Variants in NRXN3 observed in about 807,000 individuals in gnomAD.
The protein encoded by NRXN3 is neurexin III.
In NRXN3, 32 loss-of-function variants were observed where a neutral mutation model predicts 137.6. The observed-to-expected ratio is 0.23, with a 90% CI of 0.18 to 0.31. NRXN3 has a LOEUF of 0.31. Ranked by LOEUF, NRXN3 falls within the 10% of genes least tolerant of loss-of-function variation. The pLI, the probability that NRXN3 is intolerant of heterozygous loss-of-function variation, is 1.00. For missense variants in NRXN3, 1,574 were observed against 2,062.5 expected (o/e 0.76, Z 4.59); for synonymous variants, 798 against 784.5 (o/e 1.02, Z -0.29).
chr14:78,239,725 CA>C (rs538661562), intron 1 of NRXN3, among the ~76,000 whole-genome samples: 36 of 151,928 alleles, frequency 2.4e-4, no homozygotes, highest in Admixed American at 8.5e-4. Flanking sequence ...TTTTTTGAGA[CA>C]GAGTCTTGTT....
At chr14:79,236,937 T>G (rs1239984086) in intron 15 of NRXN3, among the ~76,000 whole-genome samples, 2 of 152,194 alleles carry the variant, frequency 1.3e-5, no homozygotes, top group South Asian at 2.1e-4. Flanking sequence ...TTTAAAAGTG[T>G]GTTAGATCTG....
rs528353902 is a variant in NRXN3, at chr14:78,215,073, A to G, written c.-703-27318A>G. Among the ~76,000 whole-genome samples, 8 of 152,248 alleles carry G rather than the reference A, an allele frequency of 5.3e-5. No individual in the cohort carries two copies. The South Asian group carries it at 1.0e-3, about 20-fold the overall frequency. On this transcript the variant is annotated intron_variant, in intron 1 of 20. Coordinates refer to ENST00000335750, the MANE Select transcript of NRXN3 (RefSeq NM_001330195.2). ...GAAAGAGTGCTCTTTTGTAAACTCT[A>G]AAGTATTTTACAAATGTCAATACTG...
At chr14:79,749,065 G>A (rs2098988725) in intron 19 of NRXN3, among the ~76,000 whole-genome samples, 1 of 152,022 alleles carries the variant, frequency 6.6e-6, no homozygotes, top group African/African-American at 2.4e-5. Flanking sequence ...TGCTTTAGGA[G>A]GCTTTTCTCT....
At chr14:79,617,685 A>C (rs2098172290) in intron 16 of NRXN3, among the ~76,000 whole-genome samples, 1 of 152,064 alleles carries the variant, frequency 6.6e-6, no homozygotes, top group African/African-American at 2.4e-5. Flanking sequence ...GAATGTGACT[A>C]AAACCAGTTG....
At chr14:79,045,753 C>A (rs1005852329) in intron 15 of NRXN3, among the ~76,000 whole-genome samples, 11 of 152,160 alleles carry the variant, frequency 7.2e-5, no homozygotes, top group African/African-American at 2.7e-4. Flanking sequence ...TTCATGGATA[C>A]TATTTGCCTC....
At chr14:79,317,156 C>T (rs1471085304) in intron 15 of NRXN3, among the ~76,000 whole-genome samples, 2 of 151,950 alleles carry the variant, frequency 1.3e-5, no homozygotes, top group Admixed American at 6.6e-5. Flanking sequence ...TGCTTGAACC[C>T]GGGAGGTGGA....
chr14:78,282,476 T>C (rs1373035531), intron 3 of NRXN3: 2 of 223,524 alleles, frequency 8.9e-6, no homozygotes, highest in African/African-American at 4.5e-5. Context: ...TGCCTGCTGA[T>C]TAGACCTGGA....
rs576790763 is a variant in NRXN3 at position 79,150,504 on chromosome 14, G to C, written c.3262+162363G>C. 6.4e-4 allele frequency among the ~76,000 whole-genome samples: 97 copies of C among 152,028 alleles called. 1 individual carries two copies. Among genetic ancestry groups the C allele is most frequent in the Middle Eastern group, 3.4e-3 (1 of 294 alleles). On this transcript the variant is annotated intron_variant, in intron 15 of 20. Transcript: ENST00000335750. ...GCATGTTCCCAAACAGAGATCTGCA[G>C]AGAAAGGAGCAAGAGTTCCTTGCAT... is the stretch of plus-strand genomic sequence containing the variant.
intron 16 of NRXN3, among the ~76,000 whole-genome samples, chr14:79,484,395 T>C (rs1463047877): frequency 6.6e-6 from 1 of 152,188 alleles, no homozygotes; most frequent in Non-Finnish European, 1.5e-5. Flanking sequence ...CAGCTGGTAT[T>C]CTTTAAACCT....
intron 8 of NRXN3, among the ~76,000 whole-genome samples, chr14:78,796,579 A>C (rs923168766): frequency 2.0e-5 from 3 of 152,342 alleles, no homozygotes; most frequent in African/African-American, 4.8e-5. Context: ...GAAGTCGAGT[A>C]GAGAGAATCA....
At chr14:78,421,980 T>G (rs2093466739) in intron 4 of NRXN3, among the ~76,000 whole-genome samples, 2 of 152,224 alleles carry the variant, frequency 1.3e-5, no homozygotes, top group Admixed American at 1.3e-4. Context: ...GGCAGAGGGC[T>G]TGGTCCTAGA....
chr14:78,581,293 T>A (rs967291666), intron 4 of NRXN3, among the ~76,000 whole-genome samples: 1 of 152,214 alleles, frequency 6.6e-6, no homozygotes, highest in Non-Finnish European at 1.5e-5. Context: ...TAATGGAAAC[T>A]TATTTCTCAC....
At chr14:79,242,148 C>T (rs1351936298) in intron 15 of NRXN3, among the ~76,000 whole-genome samples, 5 of 152,088 alleles carry the variant, frequency 3.3e-5, no homozygotes, top group Non-Finnish European at 7.4e-5. Flanking sequence ...ATGAGAAAAA[C>T]AAGACTCATA....
rs930445263 is a variant in NRXN3 at position 79,058,491 on chromosome 14, T to C, written c.3262+70350T>C. On this transcript the variant is annotated intron_variant, in intron 15 of 20. Coordinates refer to ENST00000335750, the MANE Select transcript of NRXN3 (RefSeq NM_001330195.2). The stretch of plus-strand genomic sequence containing the variant: ...GAGCAAAGAGAATCCCTGAGATATA[T>C]ATATATATTTTTAATATTAGAATGA... Among the ~76,000 whole-genome samples the C allele has an allele frequency of 3.9e-5, 6 of 151,938 alleles. No individual in the cohort carries two copies. The East Asian group carries it at 7.7e-4, about 20-fold the overall frequency.
intron 4 of NRXN3, among the ~76,000 whole-genome samples, chr14:78,619,125 A>T (rs978727491): frequency 2.0e-5 from 3 of 152,144 alleles, no homozygotes; most frequent in African/African-American, 4.8e-5. Context: ...TGCTGTTAGT[A>T]TTCTCCACAG....
intron 10 of NRXN3, among the ~76,000 whole-genome samples, chr14:78,888,539 T>A (rs1186611482): frequency 6.6e-6 from 1 of 152,018 alleles, no homozygotes; most frequent in African/African-American, 2.4e-5. Context: ...AAACTAAGTT[T>A]TCCTTTTCTT....
Position 79,779,249 on chromosome 14 carries a change from G to C in NRXN3, c.4015-25863G>C, listed in dbSNP as rs543352024. Reference sequence around the variant, plus strand: ...CTGCCTCAGCCTCTCGAGTAGCTGGGATTACAAACATGGGCCACCCATGCC... The same window carrying C: ...CTGCCTCAGCCTCTCGAGTAGCTGGCATTACAAACATGGGCCACCCATGCC... On this transcript the variant is annotated intron_variant, in intron 19 of 20. Transcript: ENST00000335750. Among the ~76,000 whole-genome samples the C allele has an allele frequency of 5.9e-5, 9 of 152,206 alleles. No individual in the cohort carries two copies. The South Asian group carries it at 1.9e-3, about 32-fold the overall frequency.
intron 15 of NRXN3, among the ~76,000 whole-genome samples, chr14:79,447,803 G>T (rs780288968): frequency 6.6e-6 from 1 of 152,172 alleles, no homozygotes; most frequent in Non-Finnish European, 1.5e-5. Context: ...CCTTCAACTT[G>T]ACGTCCTTTA....
intron 1 of NRXN3, among the ~76,000 whole-genome samples, chr14:78,240,181 A>G (rs2066899368): frequency 6.6e-6 from 1 of 152,000 alleles, no homozygotes; most frequent in Admixed American, 6.6e-5. Flanking sequence ...GCACCAGCAT[A>G]CTCCTGTGTC....
Sources: gnomAD v4.1 joint callset for allele counts (sites outside exome capture counted in the v4.1 genomes callset) on GRCh38, gnomAD v4.1.1 for gene constraint, MANE v1.5 for transcripts, NCBI Gene and HGNC (gene_info 2026-07-23, HGNC 2026-07-21) for gene names.